NIPA1: variants seen among roughly 807,000 people sequenced by gnomAD.
NIPA1 encodes the protein NIPA magnesium transporter 1.
Under a neutral mutation model 23.9 loss-of-function variants are expected in NIPA1, and 13 were observed. The ratio of observed to expected loss-of-function variants is 0.54; its 90% CI spans 0.35 to 0.87. NIPA1 has a LOEUF of 0.87. NIPA1 is among the 40% of genes least tolerant of loss of function. The pLI is 0.01. For missense variants in NIPA1, 362 were observed against 429.7 expected, an observed-to-expected ratio of 0.84 and a Z score of 1.39; for synonymous variants, 234 against 202.9, an observed-to-expected ratio of 1.15 and a Z score of -1.30.
Position 22,801,550 on chromosome 15 carries a change from C to G in NIPA1, c.179-9199C>G, listed in dbSNP as rs867344893. Among the ~76,000 whole-genome samples, 11 of 131,342 alleles carry G rather than the reference C, an allele frequency of 8.4e-5. No individual in the cohort carries two copies. The East Asian group carries it at 2.5e-3, about 29-fold the overall frequency. The allele number at this position is 131,342 out of a possible 152,430, so 86.2% of individuals were successfully genotyped here. A position where few individuals can be genotyped will look rare whatever the true frequency, so the allele number is the denominator to read the frequency against. On this transcript the variant is annotated intron_variant, in intron 1 of 4. Transcript: ENST00000337435. ...TTTTTTTGAGAGACAGAGTCTTGCT[C>G]TGTCACCCAGGCTGGAGTGCAGTGG...
chr15:22,814,387 T>C (rs1228098473), intron 3 of NIPA1, among the ~76,000 whole-genome samples: 3 of 152,206 alleles, frequency 2.0e-5, no homozygotes, highest in Non-Finnish European at 2.9e-5. Context: ...GTATTTTTAG[T>C]AGAGACGGGG....
rs941806112 is a variant in NIPA1, at chr15:22,827,146, T to C, written c.*2907T>C. ...CTTACTGTATACTTGTTTTCAAGCA[T>C]CCTCTAAAATCAAAGGTTTTGATCA... On this transcript the variant is annotated 3_prime_UTR_variant, in exon 5 of 5. Transcript: ENST00000337435. The C allele has an allele frequency of 6.6e-6, 1 of 152,168 alleles. No homozygotes were observed. The highest frequency in any genetic ancestry group is 2.4e-5 in the African/African-American group (1 of 41,430). The allele number at this position is 152,168 out of a possible 1,614,324, so 9.4% of individuals were successfully genotyped here.
intron 3 of NIPA1, 124 bp from the exon 4 acceptor site, chr15:22,820,189 G>A (rs1334399997): frequency 5.8e-6 from 4 of 692,176 alleles, no homozygotes; most frequent in African/African-American, 1.8e-5. Flanking sequence ...AGAGTGGGAG[G>A]TGGTCTCTTA....
intron 1 of NIPA1, among the ~76,000 whole-genome samples, chr15:22,798,623 T>C (rs1302349667): frequency 6.9e-6 from 1 of 145,928 alleles, no homozygotes; most frequent in African/African-American, 2.5e-5. Flanking sequence ...CTGAGACGGG[T>C]GGATCACGAG....
intron 2 of NIPA1, among the ~76,000 whole-genome samples, chr15:22,811,464 G>A (rs1895314756): frequency 6.6e-6 from 1 of 152,038 alleles, no homozygotes; most frequent in Non-Finnish European, 1.5e-5. Context: ...AATTACCTGG[G>A]CATGGTGGGA....
chr15:22,807,551 C>T (rs1895234475), intron 1 of NIPA1, among the ~76,000 whole-genome samples: 1 of 151,934 alleles, frequency 6.6e-6, no homozygotes, highest in Admixed American at 6.6e-5. Flanking sequence ...CATGCCACTA[C>T]ACCCCAGCCT....
chr15:22,799,426 C>G (rs1028118697), intron 1 of NIPA1, among the ~76,000 whole-genome samples: 1 of 152,130 alleles, frequency 6.6e-6, no homozygotes, highest in East Asian at 1.9e-4. Flanking sequence ...GGGCAGATCA[C>G]TTCAGCCCAG....
rs565908280 is a variant in NIPA1 at position 22,823,776 on chromosome 15, T to C, written c.527T>C (p.Ile176Thr). ...GTGCTGCTCATGCTGCTGCTGCTCATCTTCTGGATCGCGCCGGCCCATGGG... is the reference window on the plus strand; with the variant it reads ...GTGCTGCTCATGCTGCTGCTGCTCACCTTCTGGATCGCGCCGGCCCATGGG... ...CIVLLMLLLL[I>T]FWIAPAHGPT... Residue 176 changes from isoleucine to threonine, a missense_variant, in exon 5 of 5, where the codon ATC (isoleucine) becomes ACC (threonine). Around this residue, in one of 2 missense-constraint regions of NIPA1, gnomAD observed 277 missense variants for 372.0 expected, o/e 0.74. Coordinates refer to ENST00000337435, the MANE Select transcript of NIPA1 (RefSeq NM_144599.5). The C allele has an allele frequency of 1.2e-6, 2 of 1,613,352 alleles. No individual in the cohort carries two copies. Among genetic ancestry groups the C allele is most frequent in the East Asian group, 2.2e-5 (1 of 44,856 alleles).
intron 4 of NIPA1, among the ~76,000 whole-genome samples, chr15:22,822,467 C>G (rs1022186598): frequency 7.9e-5 from 12 of 152,156 alleles, no homozygotes; most frequent in African/African-American, 2.7e-4. Flanking sequence ...CTGCCTTACC[C>G]CTGCCCCCTG....
At chr15:22,810,841 A>G (rs1049004410) in intron 2 of NIPA1, 45 bp downstream of exon 2, 1 of 1,467,084 alleles carries the variant, frequency 6.8e-7, no homozygotes, top group Admixed American at 1.7e-5. Context: ...CTTTCTTAGA[A>G]TCCATCACTG....
rs1040510874 is a variant in NIPA1, at chr15:22,800,823, T to C, written c.179-9926T>C. ...GCAGGCACCTGTAGTCCCAGCTACT[T>C]GGGAGGCTGAGGCAGGAGAATGGCG... On this transcript the variant is annotated intron_variant, in intron 1 of 4. Transcript: ENST00000337435. Among the ~76,000 whole-genome samples, 35 of 150,894 alleles carry C rather than the reference T, an allele frequency of 2.3e-4. No individual in the cohort carries two copies. In the East Asian group the frequency reaches 6.5e-3, roughly 28 times the overall value.
intron 1 of NIPA1, among the ~76,000 whole-genome samples, chr15:22,800,403 T>C (rs1301964508): frequency 6.6e-6 from 1 of 152,170 alleles, no homozygotes; most frequent in African/African-American, 2.4e-5. Flanking sequence ...TTTCTGTGAT[T>C]ATCTTGCAAG....
At chr15:22,820,983 T>TC (rs1419862278) in intron 4 of NIPA1, among the ~76,000 whole-genome samples, 4 of 150,082 alleles carry the variant, frequency 2.7e-5, no homozygotes, top group Non-Finnish European at 5.9e-5. Flanking sequence ...TTCTTTTCTT[T>TC]TTTTTTTTTT....
rs1398383987 is a variant in NIPA1 at position 22,794,063 on chromosome 15, T to A, written c.178+7229T>A. Reference sequence around the variant, plus strand: ...TGGATATTTGGGCTCTTTTTTGGCTTCATATGAATTTTTTTTTTCTATTTC... The same window carrying A: ...TGGATATTTGGGCTCTTTTTTGGCTACATATGAATTTTTTTTTTCTATTTC... On this transcript the variant is annotated intron_variant, in intron 1 of 4. Transcript: ENST00000337435. 2.6e-5 allele frequency among the ~76,000 whole-genome samples: 4 copies of A among 151,368 alleles called. No individual in the cohort carries two copies. In the East Asian group the frequency reaches 5.8e-4, roughly 22 times the overall value.
At chr15:22,790,048 C>T (rs796135437) in intron 1 of NIPA1, among the ~76,000 whole-genome samples, 2 of 152,182 alleles carry the variant, frequency 1.3e-5, no homozygotes, top group African/African-American at 4.8e-5. Context: ...CCCACCTTGG[C>T]CTCCCAAAGT....
rs1301950411 is a variant in NIPA1 at position 22,826,981 on chromosome 15, T to C, written c.*2742T>C. 1.3e-5 allele frequency: 2 copies of C among 152,176 alleles called. No homozygotes were observed. Among genetic ancestry groups the C allele is most frequent in the Admixed American group, 1.3e-4 (2 of 15,284 alleles). 9.4% of individuals were successfully genotyped at this position (152,176 alleles called of 1,614,324 possible). On this transcript the variant is annotated 3_prime_UTR_variant, in exon 5 of 5. Transcript: ENST00000337435. Reference sequence around the variant, plus strand: ...ATTTTAAAAAATTATGTTTTCATCATTCATTTGAAAATGAAAAAGCCCCAA... The same window carrying C: ...ATTTTAAAAAATTATGTTTTCATCACTCATTTGAAAATGAAAAAGCCCCAA...
rs1259715652 is a variant in NIPA1, at chr15:22,825,305, A to G, written c.*1066A>G. On this transcript the variant is annotated 3_prime_UTR_variant, in exon 5 of 5. Coordinates refer to ENST00000337435, the MANE Select transcript of NIPA1 (RefSeq NM_144599.5). ...AGTAAAACTATGGTATTACAATGTT[A>G]TGGGACCACCGTCATGTAAGTGGTA... 1 of 152,200 alleles carries G rather than the reference A, an allele frequency of 6.6e-6. No individual in the cohort carries two copies. The highest frequency in any genetic ancestry group is 2.4e-5 in the African/African-American group (1 of 41,438). The allele number at this position is 152,200 out of a possible 1,614,324, so 9.4% of individuals were successfully genotyped here.
chr15:22,789,180 G>A (rs1011077675), intron 1 of NIPA1, among the ~76,000 whole-genome samples: 1 of 151,650 alleles, frequency 6.6e-6, no homozygotes, highest in African/African-American at 2.4e-5. Flanking sequence ...CTGGAGATGG[G>A]GTTTCATCAT....
chr15:22,804,726 C>T (rs1357508962), intron 1 of NIPA1, among the ~76,000 whole-genome samples: 2 of 152,152 alleles, frequency 1.3e-5, no homozygotes, highest in Non-Finnish European at 2.9e-5. Flanking sequence ...ACTGGTGCTT[C>T]ATTCAGTCTG....
Sources: allele counts gnomAD v4.1 joint callset (sites outside exome capture counted in the v4.1 genomes callset), GRCh38; gene constraint gnomAD v4.1.1; regional missense constraint gnomAD v4.1.1; transcripts MANE v1.5; gene names NCBI Gene and HGNC (gene_info 2026-07-23, HGNC 2026-07-21).